Variants in FAM149B1 observed in about 807,000 individuals in gnomAD.
The protein encoded by FAM149B1 is primary cilium assembly protein FAM149B1.
Under a neutral mutation model 75.3 loss-of-function variants are expected in FAM149B1, and 56 were observed. The observed-to-expected ratio is 0.74, with a 90% CI of 0.60 to 0.93. The LOEUF is 0.93. Among genes scored for constraint, FAM149B1 ranks in the 40% least tolerant of loss-of-function variants. The pLI is 0.00. For missense variants in FAM149B1, 639 were observed against 708.4 expected (o/e 0.90, Z 1.11); for synonymous variants, 259 against 256.1 (o/e 1.01, Z -0.11).
At chr10:73,208,418 A>G (rs1443331056) in intron 5 of FAM149B1, among the ~76,000 whole-genome samples, 2 of 152,234 alleles carry the variant, frequency 1.3e-5, no homozygotes, top group East Asian at 1.9e-4. Context: ...CAGATAGTCC[A>G]TAGTACATGT....
intron 1 of FAM149B1, among the ~76,000 whole-genome samples, chr10:73,169,635 T>A (rs909591847): frequency 4.4e-4 from 66 of 151,460 alleles, no homozygotes; most frequent in East Asian, 1.4e-3. Flanking sequence ...TAAAAAAAAA[T>A]TTTTTTTTGG....
chr10:73,202,564 C>A (rs539943653), intron 5 of FAM149B1, among the ~76,000 whole-genome samples: 24 of 152,148 alleles, frequency 1.6e-4, no homozygotes, highest in African/African-American at 5.8e-4. Context: ...TCCCAAGTAG[C>A]TGGGATTACA....
At chr10:73,227,643 T>C (rs1176856532) in intron 7 of FAM149B1, among the ~76,000 whole-genome samples, 1 of 152,036 alleles carries the variant, frequency 6.6e-6, no homozygotes. Flanking sequence ...TCCAATAGAG[T>C]AGGCACCAGC....
intron 5 of FAM149B1, among the ~76,000 whole-genome samples, chr10:73,197,539 G>C (rs1289536515): frequency 6.6e-6 from 1 of 152,102 alleles, no homozygotes; most frequent in Non-Finnish European, 1.5e-5. Flanking sequence ...GGAGGCTGAG[G>C]CGGGTGGATC....
intron 3 of FAM149B1, among the ~76,000 whole-genome samples, chr10:73,188,760 A>AGGAAGGAG (rs1554854965): frequency 4.9e-5 from 1 of 20,226 alleles, no homozygotes; most frequent in Non-Finnish European, 1.2e-4. Context: ...GAAGGAGGGA[A>AGGAAGGAG]GGAAGGAAGG....
chr10:73,240,901 T>C, intron 13 of FAM149B1, 45 bp from the exon 14 acceptor site: 1 of 1,165,638 alleles, frequency 8.6e-7, no homozygotes, highest in Non-Finnish European at 1.2e-6. Context: ...AGAGTGATTA[T>C]CAAACCTAGA....
rs1419246989 is a variant in FAM149B1, at chr10:73,168,290, G to T, written c.-50G>T. 3.9e-6 allele frequency: 6 copies of T among 1,544,488 alleles called. No individual in the cohort carries two copies. The highest frequency in any genetic ancestry group is 2.4e-5 in the South Asian group (2 of 83,780). ...GGCCCGGAGGCCCCCACCCTGGCGT[G>T]CCTGCCCCGGCCGCGGCTGAGGAGG... On this transcript the variant is annotated 5_prime_UTR_variant, in exon 1 of 14. Coordinates refer to ENST00000242505, the MANE Select transcript of FAM149B1 (RefSeq NM_173348.2).
intron 9 of FAM149B1, among the ~76,000 whole-genome samples, chr10:73,232,236 C>G (rs1396401319): frequency 6.6e-6 from 1 of 152,134 alleles, no homozygotes; most frequent in African/African-American, 2.4e-5. Context: ...AAATACACAC[C>G]TGAATCTGTA....
chr10:73,187,731 A>G (rs1184998103), intron 3 of FAM149B1, among the ~76,000 whole-genome samples: 1 of 151,684 alleles, frequency 6.6e-6, no homozygotes, highest in Non-Finnish European at 1.5e-5. Flanking sequence ...CTCTGTCTCA[A>G]AAAAAAATTA....
At chr10:73,226,824 G>T (rs2043563284) in intron 7 of FAM149B1, among the ~76,000 whole-genome samples, 2 of 152,168 alleles carry the variant, frequency 1.3e-5, no homozygotes, top group Admixed American at 1.3e-4. Context: ...TTGGTTCATT[G>T]TTGTTAGAAC....
In FAM149B1 at chr10:73,227,400, A is replaced by G. The variant is rs2133394462; in HGVS notation, c.899-660A>G. ...ATGCCCAGCCTGCTTGGTCATTTGT[A>G]TGGTGTCTTGCTCTTAGTCATATTT... On this transcript the variant is annotated intron_variant, in intron 7 of 13. Coordinates refer to ENST00000242505, the MANE Select transcript of FAM149B1 (RefSeq NM_173348.2). Among the ~76,000 whole-genome samples the G allele has an allele frequency of 2.6e-5, 4 of 152,204 alleles. No homozygotes were observed. The South Asian group carries it at 6.2e-4, about 24-fold the overall frequency.
At chr10:73,210,576 C>A in intron 7 of FAM149B1, 138 bp downstream of exon 7, 1 of 561,424 alleles carries the variant, frequency 1.8e-6, no homozygotes, top group Non-Finnish European at 3.0e-6. Context: ...ATAATCCAAA[C>A]ACTTTGGGAG....
rs2043943893 is a variant in FAM149B1 at position 73,241,151 on chromosome 10, A to G, written c.*132A>G. The G allele has an allele frequency of 3.0e-6, 2 of 664,024 alleles. No homozygotes were observed. The highest frequency in any genetic ancestry group is 5.4e-6 in the Non-Finnish European group (2 of 368,724). 41.1% of individuals were successfully genotyped at this position (664,024 alleles called of 1,614,324 possible). ...TCTTCATGAAGAGTGATTTTGGCAC[A>G]AGTGACCGAAGAACAAAACACCATA... On this transcript the variant is annotated 3_prime_UTR_variant, in exon 14 of 14. Transcript: ENST00000242505.
intron 3 of FAM149B1, among the ~76,000 whole-genome samples, chr10:73,179,549 G>T (rs138649007): frequency 0.055 from 8,380 of 151,238 alleles, 734 homozygotes; most frequent in African/African-American, 0.18. Context: ...GAGTAGCTGG[G>T]ACCACAGGTG....
intron 5 of FAM149B1, among the ~76,000 whole-genome samples, chr10:73,207,795 A>G (rs2043101309): frequency 6.6e-6 from 1 of 152,144 alleles, no homozygotes; most frequent in South Asian, 2.1e-4. Context: ...CTCTTTTGGA[A>G]CAGAAATGTT....
At position 73,243,554 on chromosome 10, in the gene FAM149B1, A is replaced by T; in HGVS notation, c.*2535A>T. On this transcript the variant is annotated 3_prime_UTR_variant, in exon 14 of 14. Transcript: ENST00000242505. ...AAGTTAAAACACAAGCTTTCACAAC[A>T]TTATCCATAGACAGAAAGTACCTAG... The T allele has an allele frequency of 6.2e-7, 1 of 1,613,402 alleles. No homozygotes were observed.
At chr10:73,184,866 C>T (rs2042482783) in intron 3 of FAM149B1, among the ~76,000 whole-genome samples, 1 of 151,986 alleles carries the variant, frequency 6.6e-6, no homozygotes, top group African/African-American at 2.4e-5. Flanking sequence ...CAAACTAAAT[C>T]CAAAGCAAAG....
rs549414673 is a variant in FAM149B1 at position 73,226,321 on chromosome 10, A to G, written c.899-1739A>G. On this transcript the variant is annotated intron_variant, in intron 7 of 13. Coordinates refer to ENST00000242505, the MANE Select transcript of FAM149B1 (RefSeq NM_173348.2). ...GGAGATCAAGACCATCCTGGCTAACATGGTGAAACCCCATCTCTACTAAAA... is the reference window on the plus strand; with the variant it reads ...GGAGATCAAGACCATCCTGGCTAACGTGGTGAAACCCCATCTCTACTAAAA... Among the ~76,000 whole-genome samples, 11 of 152,252 alleles carry G rather than the reference A, an allele frequency of 7.2e-5. No homozygotes were observed. In the East Asian group the frequency reaches 2.1e-3, roughly 29 times the overall value.
At chr10:73,174,200 T>C (rs1843840235) in intron 1 of FAM149B1, among the ~76,000 whole-genome samples, 1 of 152,230 alleles carries the variant, frequency 6.6e-6, no homozygotes, top group African/African-American at 2.4e-5. Flanking sequence ...CTGCTAGGGC[T>C]CTGGGTAAAT....
Sources: allele counts gnomAD v4.1 joint callset (sites outside exome capture counted in the v4.1 genomes callset), GRCh38; gene constraint gnomAD v4.1.1; transcripts MANE v1.5; gene names NCBI Gene and HGNC (gene_info 2026-07-23, HGNC 2026-07-21).